Variants in EPB41L4A observed in about 807,000 individuals in gnomAD.
EPB41L4A encodes band 4.1-like protein 4A.
A neutral mutation model predicts 108.6 loss-of-function variants in EPB41L4A; 100 were observed. The observed-to-expected ratio is 0.92, with a 90% CI of 0.78 to 1.09. The LOEUF (loss-of-function observed/expected upper bound fraction) is 1.09. Ranked by LOEUF, EPB41L4A falls within the 50% of genes least tolerant of loss-of-function variation. The probability of loss-of-function intolerance (pLI) is 0.00; values close to 1 mark genes in which losing one functional copy is unlikely to be tolerated. For missense variants in EPB41L4A, 1,030 were observed against 842.7 expected (o/e 1.22, Z -2.75); for synonymous variants, 319 against 289.0 (o/e 1.10, Z -1.05).
chr5:112,253,483 G>T (rs1750840528), intron 9 of EPB41L4A, among the ~76,000 whole-genome samples: 1 of 152,106 alleles, frequency 6.6e-6, no homozygotes, highest in African/African-American at 2.4e-5. Context: ...TATACCATAG[G>T]GGAGAAATGC....
At chr5:112,206,986 T>C (rs10056561) in intron 13 of EPB41L4A, 97,096 of 152,122 alleles carry the variant, frequency 0.64, 32,092 homozygotes, top group East Asian at 0.76. Context: ...GCCAAAGCAA[T>C]TCTAAGCAGA....
intron 1 of EPB41L4A, among the ~76,000 whole-genome samples, chr5:112,406,924 T>C (rs533447090): frequency 6.6e-6 from 1 of 152,246 alleles, no homozygotes; most frequent in South Asian, 2.1e-4. Flanking sequence ...CCATCATAAC[T>C]GAAACCCACT....
intron 2 of EPB41L4A, among the ~76,000 whole-genome samples, chr5:112,294,160 A>C (rs888691245): frequency 3.9e-5 from 6 of 152,234 alleles, no homozygotes; most frequent in Admixed American, 2.0e-4. Context: ...TCCCAATAAG[A>C]ATTTTCAATC....
intron 1 of EPB41L4A, among the ~76,000 whole-genome samples, chr5:112,332,096 G>T (rs1756610349): frequency 6.6e-6 from 1 of 152,192 alleles, no homozygotes; most frequent in African/African-American, 2.4e-5. Flanking sequence ...GAAAGCAAAG[G>T]TTATCTGGAC....
intron 1 of EPB41L4A, among the ~76,000 whole-genome samples, chr5:112,397,552 GA>G (rs998506411): frequency 1.4e-3 from 216 of 151,360 alleles, no homozygotes; most frequent in Non-Finnish European, 5.0e-4. Flanking sequence ...TAGTAATTCT[GA>G]AAAAAAATTT....
At chr5:112,279,907 A>G (rs1439609244) in intron 3 of EPB41L4A, among the ~76,000 whole-genome samples, 1 of 152,094 alleles carries the variant, frequency 6.6e-6, no homozygotes, top group Non-Finnish European at 1.5e-5. Flanking sequence ...AGCTCTTTAA[A>G]AGCTTGGACA....
chr5:112,284,844 ACT>A (rs763418446), intron 2 of EPB41L4A, among the ~76,000 whole-genome samples: 6 of 152,016 alleles, frequency 3.9e-5, no homozygotes, highest in Non-Finnish European at 8.8e-5. Flanking sequence ...GACCCTTCTT[ACT>A]CTCTGACAGT....
intron 12 of EPB41L4A, among the ~76,000 whole-genome samples, chr5:112,231,804 A>G (rs1580484259): frequency 6.8e-6 from 1 of 146,752 alleles, no homozygotes; most frequent in Non-Finnish European, 1.5e-5. Context: ...AAAAAAAAAA[A>G]AAAAAAAAAA....
intron 1 of EPB41L4A, among the ~76,000 whole-genome samples, chr5:112,396,720 T>TGA (rs57541323): frequency 4.6e-5 from 7 of 151,548 alleles, no homozygotes; most frequent in Admixed American, 3.3e-4. Context: ...AGCAAGGTGA[T>TGA]GAGAGAGAGA....
intron 16 of EPB41L4A, 41 bp from the exon 17 acceptor site, chr5:112,194,686 T>A: frequency 1.4e-6 from 2 of 1,420,266 alleles, no homozygotes; most frequent in Non-Finnish European, 1.9e-6. Flanking sequence ...AAACACACAT[T>A]TATAACTCAC....
chr5:112,234,860 A>G (rs1749216277), intron 11 of EPB41L4A, 105 bp from the exon 12 acceptor site: 1 of 1,234,632 alleles, frequency 8.1e-7, no homozygotes, highest in Non-Finnish European at 1.1e-6. Context: ...AAGAAAAAAC[A>G]CACAGACTCC....
chr5:112,303,065 C>A (rs1164956955), intron 2 of EPB41L4A, among the ~76,000 whole-genome samples: 1 of 152,210 alleles, frequency 6.6e-6, no homozygotes, highest in East Asian at 1.9e-4. Flanking sequence ...TTGAAGACAT[C>A]TCACATAGTA....
chr5:112,249,360 C>T (rs1750482028), intron 9 of EPB41L4A, among the ~76,000 whole-genome samples: 1 of 152,134 alleles, frequency 6.6e-6, no homozygotes. Flanking sequence ...TAACTTTCTT[C>T]TTAATTACTG....
intron 2 of EPB41L4A, among the ~76,000 whole-genome samples, chr5:112,295,593 C>A (rs1163467810): frequency 2.6e-5 from 4 of 152,166 alleles, no homozygotes; most frequent in African/African-American, 9.7e-5. Context: ...TGCCCAAGGG[C>A]ACGAATAATC....
chr5:112,160,189 C>T (rs1283219725), downstream of EPB41L4A, among the ~76,000 whole-genome samples: 1 of 152,164 alleles, frequency 6.6e-6, no homozygotes, highest in African/African-American at 2.4e-5. Flanking sequence ...GGATTACAGG[C>T]ATGAGCCACC....
upstream of EPB41L4A, chr5:112,419,899 C>T (rs2112866114): frequency 2.2e-6 from 1 of 456,720 alleles, no homozygotes; most frequent in South Asian, 1.5e-5. Flanking sequence ...AATACGGCTT[C>T]TTCAGGACAT....
In EPB41L4A at chr5:112,295,934, C is replaced by A. The variant is rs542304234; in HGVS notation, c.204+11452G>T. Among the ~76,000 whole-genome samples the A allele has an allele frequency of 2.0e-5, 3 of 152,264 alleles. No individual in the cohort carries two copies. The South Asian group carries it at 6.2e-4, about 32-fold the overall frequency. ...AAGCAGACCTATCTTATCTAGGCAA[C>A]AAAATGCTTTGCCTTATCTGTCTTA... is the stretch of plus-strand genomic sequence containing the variant. On this transcript the variant is annotated intron_variant, in intron 2 of 22. Transcript: ENST00000261486.
At chr5:112,186,557 TTG>T (rs1448938895) in intron 17 of EPB41L4A, among the ~76,000 whole-genome samples, 3 of 152,234 alleles carry the variant, frequency 2.0e-5, no homozygotes, top group Non-Finnish European at 4.4e-5. Context: ...GTTAATATCC[TTG>T]TGATCCACAT....
chr5:112,211,233 A>C (rs1306758734), intron 12 of EPB41L4A, among the ~76,000 whole-genome samples: 1 of 152,130 alleles, frequency 6.6e-6, no homozygotes, highest in African/African-American at 2.4e-5. Flanking sequence ...CTGTGGCCCC[A>C]CAAGCAGCTC....
Sources: gnomAD v4.1 joint callset for allele counts (sites outside exome capture counted in the v4.1 genomes callset) on GRCh38, gnomAD v4.1.1 for gene constraint, MANE v1.5 for transcripts, NCBI Gene and HGNC (gene_info 2026-07-23, HGNC 2026-07-21) for gene names.